The following CFAP65 variants were observed in gnomAD, a reference collection of about 807,000 sequenced individuals.
CFAP65 encodes the protein cilia- and flagella-associated protein 65.
Under a neutral mutation model 208.0 loss-of-function variants are expected in CFAP65, and 155 were observed. That is an observed-to-expected ratio of 0.75 (90% confidence interval 0.65 to 0.85). CFAP65 has a LOEUF of 0.85. Ranked by LOEUF, CFAP65 falls within the 40% of genes least tolerant of loss-of-function variation. CFAP65 has a pLI of 0.00. For synonymous variants in CFAP65, 970 were observed against 986.3 expected (o/e 0.98, Z 0.31); for missense variants, 2,294 against 2,451.3 (o/e 0.94, Z 1.36).
At chr2:219,028,121 G>A in intron 12 of CFAP65, 80 bp downstream of exon 12, 1 of 1,568,410 alleles carries the variant, frequency 6.4e-7, no homozygotes, top group South Asian at 1.2e-5. Context: ...GACTACTAAT[G>A]GTGCCCATGG....
chr2:219,003,386 C>A lies in CFAP65; in HGVS notation c.5556-114G>T. 1 of 1,296,940 alleles carries A rather than the reference C, an allele frequency of 7.7e-7. No homozygotes were observed. The highest frequency in any genetic ancestry group is 1.6e-5 in the South Asian group (1 of 64,352). 80.3% of individuals were successfully genotyped at this position (1,296,940 alleles called of 1,614,324 possible). ...GCTCTACGGAGATTCCCATTCGACT[C>A]CCCTCATCCACTACACTATGGGGCA... On this transcript the variant is annotated intron_variant, in intron 33 of 34. Transcript: ENST00000341552. The surrounding 1 kb of genome is among the most constrained non-coding windows in gnomAD (Gnocchi z 4.4).
At chr2:219,010,473 C>T in intron 26 of CFAP65, 73 bp downstream of exon 26, 1 of 1,513,062 alleles carries the variant, frequency 6.6e-7, no homozygotes, top group Non-Finnish European at 8.9e-7. Flanking sequence ...CCTCCCCATC[C>T]TTCTGTCTGG....
At position 219,003,208 on chromosome 2, in the gene CFAP65, C is replaced by A; in HGVS notation, c.5620G>T (p.Glu1874Ter). 6.5e-7 allele frequency: 1 copy of A among 1,548,874 alleles called. No individual in the cohort carries two copies. The highest frequency in any genetic ancestry group is 8.7e-7 in the Non-Finnish European group (1 of 1,146,082). The change falls in exon 34 of 35, where the codon GAG becomes TAG. Residue 1874 changes from glutamate to a stop codon, truncating the protein, a stop_gained. Coordinates refer to ENST00000341552, the MANE Select transcript of CFAP65 (RefSeq NM_194302.4). LOFTEE classifies it high-confidence loss of function. The surrounding 1 kb of genome is among the most constrained non-coding windows in gnomAD (Gnocchi z 4.4). ...LENMIQNILV[E>*]ASRGEVVLTS... is the part of the protein sequence containing the mutation. ...AGTACCACCTCCCCGCGGCTCGCCT[C>A]CACCAGGATGTTCTGGATCATGTTC...
rs749814823 is a variant in CFAP65, at chr2:219,005,550, C to T, written c.4935G>A (p.Lys1645=). The change falls in exon 32 of 35, where the codon AAG becomes AAA. Residue 1645 remains lysine (K), a synonymous_variant. Transcript: ENST00000341552. ...PCHFLHRELP[K]RKAPREESET... The stretch of plus-strand genomic sequence containing the variant: ...CTGACTCTTCCCTGGGGGCCTTCCT[C>T]TTTGGCAGCTCCCTGTGGCAGCCAT... 1.9e-6 allele frequency: 3 copies of T among 1,611,790 alleles called. No individual in the cohort carries two copies. Among genetic ancestry groups the T allele is most frequent in the Non-Finnish European group, 2.5e-6 (3 of 1,179,828 alleles).
At chr2:219,035,183 A>G in intron 5 of CFAP65, 1 of 757,978 alleles carries the variant, frequency 1.3e-6, no homozygotes, top group Non-Finnish European at 2.0e-6. Flanking sequence ...AAACTCTTGT[A>G]CTTATGTAAC....
rs536362205 is a variant in CFAP65 at position 219,032,957 on chromosome 2, G to A, written c.543-385C>T. On this transcript the variant is annotated intron_variant, in intron 5 of 34. Transcript: ENST00000341552. The surrounding 1 kb of genome is among the most constrained non-coding windows in gnomAD (Gnocchi z 5.5). The stretch of plus-strand genomic sequence containing the variant: ...ATGCCTTTCCAGAGACCTCAGCAGA[G>A]CTGTAGCATCCCACAGTGGGTCAGA... 3.9e-5 allele frequency among the ~76,000 whole-genome samples: 6 copies of A among 152,288 alleles called. No homozygotes were observed. Among genetic ancestry groups the A allele is most frequent in the Middle Eastern group, 3.4e-3 (1 of 294 alleles).
At position 219,004,938 on chromosome 2, in the gene CFAP65, T is replaced by G. The variant is rs896726593; in HGVS notation, c.5052-483A>C. Among the ~76,000 whole-genome samples, 1 of 127,174 alleles carries G rather than the reference T, an allele frequency of 7.9e-6. No individual in the cohort carries two copies. Among genetic ancestry groups the G allele is most frequent in the Non-Finnish European group, 1.5e-5 (1 of 66,868 alleles). The allele number at this position is 127,174 out of a possible 152,430, so 83.4% of individuals were successfully genotyped here. ...TTCTCTCTCTTTCTCTCCTCTTTTT[T>G]CTTTCTTTCTTTCTTTCTTTCTCTC... On this transcript the variant is annotated intron_variant, in intron 32 of 34. Transcript: ENST00000341552. This position sits in a 1 kb window ranked among gnomAD's most constrained non-coding sequence, Gnocchi z 4.7.
chr2:219,025,862 G>T (rs1947594329), intron 14 of CFAP65, among the ~76,000 whole-genome samples, 160 bp downstream of exon 14: 1 of 152,152 alleles, frequency 6.6e-6, no homozygotes, highest in Non-Finnish European at 1.5e-5. Flanking sequence ...TCCTCAGCCG[G>T]CCCAGATACC....
chr2:219,037,822 A>G (rs1948453693), intron 4 of CFAP65, among the ~76,000 whole-genome samples: 1 of 152,218 alleles, frequency 6.6e-6, no homozygotes. Flanking sequence ...CATACAACAC[A>G]GACACACACT....
chr2:219,038,052 C>T (rs1440464937), intron 4 of CFAP65, among the ~76,000 whole-genome samples: 2 of 152,344 alleles, frequency 1.3e-5, no homozygotes, highest in African/African-American at 2.4e-5. Flanking sequence ...TCCTACCCCA[C>T]GGCCTCTCAG....
Position 219,023,355 on chromosome 2 carries a change from G to A in CFAP65, c.2672C>T (p.Thr891Ile), listed in dbSNP as rs1947400121. Residue 891 changes from threonine to isoleucine, a missense_variant, in exon 16 of 35, where the codon ACC becomes ATC. By Grantham distance (89) the Thr-to-Ile change is moderately conservative. Around this residue, in one of 2 missense-constraint regions of CFAP65, gnomAD observed 1,427 missense variants for 1,438.7 expected, o/e 0.99. Transcript: ENST00000341552. The stretch of plus-strand genomic sequence containing the variant: ...GCTGGTGGAGGAGCAGCCCACCCAG[G>A]TGGGCTTGAAGTAGAGGCTTTTGTG... ...DTHKSLYFKP[T>I]WVGCSSTSPF... 6.2e-7 allele frequency: 1 copy of A among 1,609,674 alleles called. No individual in the cohort carries two copies. Among genetic ancestry groups the A allele is most frequent in the Admixed American group, 1.7e-5 (1 of 59,216 alleles).
rs756841612 is a variant in CFAP65, at chr2:219,028,292, A to T, written c.1760T>A (p.Leu587Gln). 1 of 1,614,094 alleles carries T rather than the reference A, an allele frequency of 6.2e-7. No homozygotes were observed. Among genetic ancestry groups the T allele is most frequent in the South Asian group, 1.1e-5 (1 of 91,080 alleles). ...TWYRTHLARG[L>Q]TLYPPDILDA... ...CAGGATGTCAGGGGGGTAGAGCGTC[A>T]GGCCCCGGGCCAGGTGTGTGCGGTA... Residue 587 changes from leucine (L) to glutamine (Q), a missense_variant, in exon 12 of 35, where the codon CTG (leucine) becomes CAG (glutamine). This residue lies in a region of CFAP65 where 867 missense variants were observed against 1,012.6 expected (regional missense o/e 0.86). Coordinates refer to ENST00000341552, the MANE Select transcript of CFAP65 (RefSeq NM_194302.4).
At chr2:219,025,945 G>C in intron 14 of CFAP65, 77 bp downstream of exon 14, 1 of 1,544,882 alleles carries the variant, frequency 6.5e-7, no homozygotes, top group Admixed American at 1.7e-5. Context: ...ATCAGAGAAT[G>C]GGAGAGGGAT....
intron 27 of CFAP65, among the ~76,000 whole-genome samples, 178 bp from the exon 28 acceptor site, chr2:219,009,638 G>A (rs547339092): frequency 1.4e-4 from 17 of 125,524 alleles, no homozygotes; most frequent in African/African-American, 2.2e-4. Context: ...GGATGGGATG[G>A]GATGGGATGG....
At position 219,038,957 on chromosome 2, in the gene CFAP65, G is replaced by A; in HGVS notation, c.92C>T (p.Pro31Leu). ...VSFASSFPLI[P>L]LLLRGKSVQK... ...AACACTCTTGCCTCTTAGGAGAAGA[G>A]GAATAAGGGGGAAAGAAGAGGCAAA... The change falls in exon 3 of 35, where the codon CCT (proline) becomes CTT (leucine). Residue 31 changes from proline to leucine, a missense_variant. This residue lies in a region of CFAP65 where 867 missense variants were observed against 1,012.6 expected (regional missense o/e 0.86). Coordinates refer to ENST00000341552, the MANE Select transcript of CFAP65 (RefSeq NM_194302.4). The A allele has an allele frequency of 6.2e-7, 1 of 1,613,948 alleles. No individual in the cohort carries two copies. Among genetic ancestry groups the A allele is most frequent in the Non-Finnish European group, 8.5e-7 (1 of 1,179,912 alleles).
At chr2:219,025,179 C>T (rs1185014352) in intron 14 of CFAP65, among the ~76,000 whole-genome samples, 2 of 152,120 alleles carry the variant, frequency 1.3e-5, no homozygotes, top group African/African-American at 2.4e-5. Flanking sequence ...GCCAGATCTT[C>T]TGGGCTGCAT....
Position 219,030,227 on chromosome 2 carries a change from G to T in CFAP65, c.1162-19C>A. 6.2e-7 allele frequency: 1 copy of T among 1,608,578 alleles called. No individual in the cohort carries two copies. The highest frequency in any genetic ancestry group is 8.5e-7 in the Non-Finnish European group (1 of 1,175,116). On this transcript the variant is annotated intron_variant, in intron 9 of 34. Coordinates refer to ENST00000341552, the MANE Select transcript of CFAP65 (RefSeq NM_194302.4). ...CATTTACCTGTGTGGCCAAGCAGAA[G>T]GACAAAGGGTCAGGTCACAGAGCAG...
chr2:219,016,289 CTTTT>C (rs5838714), intron 21 of CFAP65, among the ~76,000 whole-genome samples: 2 of 85,552 alleles, frequency 2.3e-5, no homozygotes, highest in Non-Finnish European at 4.0e-5. Flanking sequence ...AGTCTCCCTC[CTTTT>C]TTTTTTTTTT....
At chr2:219,011,798 A>C (rs1946506276) in intron 24 of CFAP65, among the ~76,000 whole-genome samples, 2 of 152,302 alleles carry the variant, frequency 1.3e-5, no homozygotes, top group African/African-American at 2.4e-5. Flanking sequence ...CTCACTCCTG[A>C]GCATGCTGAC....
Sources: gnomAD v4.1 joint callset for allele counts (sites outside exome capture counted in the v4.1 genomes callset) on GRCh38, gnomAD v4.1.1 for gene constraint, gnomAD v4.1.1 regional missense constraint, Gnocchi (gnomAD v3.1) non-coding constraint, MANE v1.5 for transcripts, NCBI Gene and HGNC (gene_info 2026-07-23, HGNC 2026-07-21) for gene names.